The following ZNF132 variants were observed in gnomAD, a reference collection of about 807,000 sequenced individuals.
The protein encoded by ZNF132 is zinc finger protein 132, also known as zinc finger protein 132 (clone pHZ-12).
In ZNF132, 6 loss-of-function variants were observed where a neutral mutation model predicts 9.3. The ratio of observed to expected loss-of-function variants is 0.65; its 90% CI spans 0.35 to 1.28. The LOEUF (loss-of-function observed/expected upper bound fraction) is 1.28. Ranked by LOEUF, ZNF132 falls within the 50% of genes most tolerant of loss-of-function variation. The pLI is 0.03. For synonymous variants in ZNF132, 296 were observed against 292.0 expected, an observed-to-expected ratio of 1.01 and a Z score of -0.14; for missense variants, 877 against 843.2, an observed-to-expected ratio of 1.04 and a Z score of -0.50.
At chr19:58,437,268 G>T in intron 1 of ZNF132, 53 bp from the exon 2 acceptor site, 2 of 1,528,398 alleles carry the variant, frequency 1.3e-6, no homozygotes, top group East Asian at 4.5e-5. Flanking sequence ...ACCTTGCTGT[G>T]TGACTCAGAA....
At chr19:58,439,737 G>C in intron 1 of ZNF132, 22 bp downstream of exon 1, 1 of 1,513,696 alleles carries the variant, frequency 6.6e-7, no homozygotes, top group Non-Finnish European at 8.8e-7. Flanking sequence ...GCGGGTGAGG[G>C]CCTGGGGCAC....
chr19:58,433,529 T>TA lies in ZNF132; in HGVS notation c.1914dup (p.Asn639Ter), dbSNP rs2052754543. ...CTCTGATGACGAACCAGGTGGGAGTTACTGCTAAAGGCTCTCCCACATTCA... is the reference window on the plus strand; with the variant it reads ...CTCTGATGACGAACCAGGTGGGAGTTAACTGCTAAAGGCTCTCCCACATTCA... On this transcript the variant is annotated frameshift_variant, in exon 3 of 3. Coordinates refer to ENST00000254166, the MANE Select transcript of ZNF132 (RefSeq NM_003433.4). LOFTEE classifies it low-confidence loss of function (END_TRUNC). 6.2e-7 allele frequency: 1 copy of TA among 1,614,206 alleles called. No homozygotes were observed.
rs962929649 is a variant in ZNF132 at position 58,434,038 on chromosome 19, C to T, written c.1406G>A (p.Ser469Asn). Reference protein sequence around the residue: ...FECSECGRDFSQSSHLLRHQK... With the variant: ...FECSECGRDFNQSSHLLRHQK... ...ATGTCGAAGGAGATGGGAGCTTTGG[C>T]TGAAGTCTCTTCCACATTCACTGCA... is the stretch of plus-strand genomic sequence containing the variant. Residue 469 changes from serine to asparagine, a missense_variant, in exon 3 of 3, where the codon AGC (serine) becomes AAC (asparagine). By Grantham distance (46) the Ser-to-Asn change is conservative (BLOSUM62 1). Coordinates refer to ENST00000254166, the MANE Select transcript of ZNF132 (RefSeq NM_003433.4). 1.2e-6 allele frequency: 2 copies of T among 1,614,180 alleles called. No homozygotes were observed. The highest frequency in any genetic ancestry group is 3.3e-5 in the Admixed American group (2 of 60,008).
chr19:58,434,682 A>G lies in ZNF132; in HGVS notation c.762T>C (p.His254=). 1.9e-6 allele frequency: 3 copies of G among 1,614,150 alleles called. No homozygotes were observed. The highest frequency in any genetic ancestry group is 2.5e-6 in the Non-Finnish European group (3 of 1,180,018). The change falls in exon 3 of 3, where the codon CAT becomes CAC. Residue 254 remains histidine (H), a synonymous_variant. Coordinates refer to ENST00000254166, the MANE Select transcript of ZNF132 (RefSeq NM_003433.4). ...AFLKSSTLPN[H]LRTHSEEIPF... ...GTATCTCTTCAGAGTGAGTTCTCAG[A>G]TGGTTGGGGAGAGTGGAGCTCTTCA...
In ZNF132 at chr19:58,434,601, A is replaced by C. The variant is rs2052762082; in HGVS notation, c.843T>G (p.Asn281Lys). The change falls in exon 3 of 3, where the codon AAT becomes AAG. Residue 281 changes from asparagine (N) to lysine (K), a missense_variant. Asn to Lys is a moderately conservative substitution (Grantham distance 94). Coordinates refer to ENST00000254166, the MANE Select transcript of ZNF132 (RefSeq NM_003433.4). ...NFLEEKSILGNKKFHTGEIPH... is the reference protein window; with the variant it reads ...NFLEEKSILGKKKFHTGEIPH... Reference sequence around the variant, plus strand: ...GTATTTCCCCAGTGTGAAACTTTTTATTACCAAGGATTGATTTCTCCTCTA... The same window carrying C: ...GTATTTCCCCAGTGTGAAACTTTTTCTTACCAAGGATTGATTTCTCCTCTA... 1 of 1,614,030 alleles carries C rather than the reference A, an allele frequency of 6.2e-7. No homozygotes were observed. The highest frequency in any genetic ancestry group is 8.5e-7 in the Non-Finnish European group (1 of 1,180,046).
In ZNF132 at chr19:58,440,046, G is replaced by C; in HGVS notation, c.-225C>G. 3.7e-6 allele frequency: 2 copies of C among 545,612 alleles called. No individual in the cohort carries two copies. Among genetic ancestry groups the C allele is most frequent in the South Asian group, 4.8e-5 (2 of 41,304 alleles). 33.8% of individuals were successfully genotyped at this position (545,612 alleles called of 1,614,324 possible). ...GCAGAGTAATTAGCCGGGCACTATG[G>C]TGCGTGTGAAGGCGCGGTGACGGTC... is the stretch of plus-strand genomic sequence containing the variant. On this transcript the variant is annotated 5_prime_UTR_variant, in exon 1 of 3. Coordinates refer to ENST00000254166, the MANE Select transcript of ZNF132 (RefSeq NM_003433.4).
rs2052764091 is a variant in ZNF132 at position 58,434,848 on chromosome 19, T to C, written c.596A>G (p.Lys199Arg). 6.2e-7 allele frequency: 1 copy of C among 1,614,180 alleles called. No individual in the cohort carries two copies. The highest frequency in any genetic ancestry group is 8.5e-7 in the Non-Finnish European group (1 of 1,179,996). The change falls in exon 3 of 3, where the codon AAG becomes AGG. Residue 199 changes from lysine (K) to arginine (R), a missense_variant. Physicochemically the swap from Lys to Arg is conservative, Grantham distance 26. Coordinates refer to ENST00000254166, the MANE Select transcript of ZNF132 (RefSeq NM_003433.4). ...ENPFTCREGG[K>R]VILGSCDLLQ... ...GAGGTCACAGCTGCCCAGGATGACC[T>C]TCCCACCTTCCCTGCAAGTGAAGGG...
rs563299708 is a variant in ZNF132, at chr19:58,433,473, G to A, written c.1971C>T (p.Cys657=). 82 of 1,613,900 alleles carry A rather than the reference G, an allele frequency of 5.1e-5. 1 individual carries two copies. In the African/African-American group the frequency reaches 9.7e-4, roughly 19 times the overall value. Residue 657 remains cysteine (C), a synonymous_variant, in exon 3 of 3, where the codon TGC becomes TGT. Coordinates refer to ENST00000254166, the MANE Select transcript of ZNF132 (RefSeq NM_003433.4). Reference sequence around the variant, plus strand: ...CACTAAAGGCTTTTCCACACTGGATGCACTCATAGGGCCTTTCTTGTGTGT... The same window carrying A: ...CACTAAAGGCTTTTCCACACTGGATACACTCATAGGGCCTTTCTTGTGTGT... ...RVHTQERPYE[C]IQCGKAFSER...
Position 58,432,969 on chromosome 19 carries a change from T to G in ZNF132, c.*354A>C. The G allele has an allele frequency of 5.7e-6, 1 of 174,334 alleles. No homozygotes were observed. 10.8% of individuals were successfully genotyped at this position (174,334 alleles called of 1,614,324 possible). ...GAATGTGCATCTTCCTGAGCTCAAA[T>G]TAGATTTCCCTCAAGGCCCCTCAAC... On this transcript the variant is annotated 3_prime_UTR_variant, in exon 3 of 3. Transcript: ENST00000254166.
chr19:58,435,584 C>T (rs2052768821), intron 2 of ZNF132: 1 of 174,188 alleles, frequency 5.7e-6, no homozygotes, highest in Non-Finnish European at 1.2e-5. Flanking sequence ...CATCCACTAG[C>T]ATAGCTATAA....
At chr19:58,438,274 C>A (rs1042407290) in intron 1 of ZNF132, among the ~76,000 whole-genome samples, 1 of 152,182 alleles carries the variant, frequency 6.6e-6, no homozygotes, top group Non-Finnish European at 1.5e-5. Flanking sequence ...AGTGTCCACA[C>A]ACAAGCATCC....
Position 58,434,428 on chromosome 19 carries a change from C to A in ZNF132, c.1016G>T (p.Arg339Ile). The A allele has an allele frequency of 1.2e-6, 2 of 1,614,242 alleles. No individual in the cohort carries two copies. The highest frequency in any genetic ancestry group is 2.2e-5 in the South Asian group (2 of 91,090). Residue 339 changes from arginine (R) to isoleucine (I), a missense_variant, in exon 3 of 3, where the codon AGA becomes ATA. Transcript: ENST00000254166. ...NHKLTFVHHQ[R>I]IHSGERPYEC... ...ATAAGGTCTTTCTCCTGAGTGAATT[C>A]TCTGATGATGAACAAATGTGAGTTT...
intron 2 of ZNF132, chr19:58,436,792 C>G: frequency 1.7e-6 from 1 of 600,630 alleles, no homozygotes; most frequent in Admixed American, 2.2e-5. Context: ...ATCTGTTAGG[C>G]AGACTGGAGG....
In ZNF132 at chr19:58,434,554, CCA is replaced by C; in HGVS notation, c.888_889del (p.Cys296TrpfsTer5). ...CTTAGATGAGTGACTAAAGGCCTTC[CCA>C]CACTCCTTACACACATGGGGTATTT... On this transcript the variant is annotated frameshift_variant, in exon 3 of 3. Coordinates refer to ENST00000254166, the MANE Select transcript of ZNF132 (RefSeq NM_003433.4). LOFTEE classifies it low-confidence loss of function (END_TRUNC). The C allele has an allele frequency of 6.2e-7, 1 of 1,614,094 alleles. No homozygotes were observed. The highest frequency in any genetic ancestry group is 1.1e-5 in the South Asian group (1 of 91,084).
Position 58,433,693 on chromosome 19 carries a change from G to A in ZNF132, c.1751C>T (p.Ser584Phe), listed in dbSNP as rs748682660. Residue 584 changes from serine to phenylalanine, a missense_variant, in exon 3 of 3, where the codon TCC (serine) becomes TTC (phenylalanine). Transcript: ENST00000254166. ...AACTTTCTGATGCTTAATGAGAATG[G>A]AGTTTTGGCTAAAGAATTTCCCACA... ...NECGKFFSQN[S>F]ILIKHQKVHT... 18 of 1,610,068 alleles carry A rather than the reference G, an allele frequency of 1.1e-5. No individual in the cohort carries two copies. The Middle Eastern group carries it at 4.9e-4, about 44-fold the overall frequency.
In ZNF132 at chr19:58,437,567, CCTTT is replaced by C. The variant is rs564558438; in HGVS notation, c.64-356_64-353del. Reference sequence around the variant, plus strand: ...CCAAACATAAGAAAATTTGGGCTTCCCTTTCTTAAGCCTCTTGTACCAGGGCCAT... The same window carrying C: ...CCAAACATAAGAAAATTTGGGCTTCCCTTAAGCCTCTTGTACCAGGGCCAT... On this transcript the variant is annotated intron_variant, in intron 1 of 2. Transcript: ENST00000254166. Among the ~76,000 whole-genome samples the C allele has an allele frequency of 5.6e-4, 86 of 152,326 alleles. 2 individuals carry two copies. The East Asian group carries it at 0.016, about 29-fold the overall frequency.
Position 58,433,623 on chromosome 19 carries a change from G to T in ZNF132, c.1821C>A (p.Phe607Leu), listed in dbSNP as rs1407197628. 1 of 1,614,194 alleles carries T rather than the reference G, an allele frequency of 6.2e-7. No individual in the cohort carries two copies. The highest frequency in any genetic ancestry group is 8.5e-7 in the Non-Finnish European group (1 of 1,180,034). ...KPYKCSECGK[F>L]FSRKSSLICH... ...AAATAAGGCTGGATTTTCGGCTAAA[G>T]AATTTCCCACATTCACTGCATTTAT... is the stretch of plus-strand genomic sequence containing the variant. The change falls in exon 3 of 3, where the codon TTC becomes TTA. Residue 607 changes from phenylalanine (F) to leucine (L), a missense_variant. By Grantham distance (22) the Phe-to-Leu change is conservative. Transcript: ENST00000254166.
intron 2 of ZNF132, 153 bp from the exon 3 acceptor site, chr19:58,435,364 A>G (rs2052767744): frequency 3.6e-6 from 3 of 838,956 alleles, no homozygotes; most frequent in African/African-American, 3.4e-5. Context: ...AGAAGGGCCC[A>G]TTACTATTGG....
Position 58,434,866 on chromosome 19 carries a change from G to T in ZNF132, c.578C>A (p.Thr193Asn). ...SKVHLSENPF[T>N]CREGGKVILG... ...GATGACCTTCCCACCTTCCCTGCAAGTGAAGGGGTTCTCTGACAGGTGGAC... is the reference window on the plus strand; with the variant it reads ...GATGACCTTCCCACCTTCCCTGCAATTGAAGGGGTTCTCTGACAGGTGGAC... The change falls in exon 3 of 3, where the codon ACT becomes AAT. Residue 193 changes from threonine to asparagine, a missense_variant. Transcript: ENST00000254166. 6.2e-7 allele frequency: 1 copy of T among 1,614,216 alleles called. No individual in the cohort carries two copies. Among genetic ancestry groups the T allele is most frequent in the Non-Finnish European group, 8.5e-7 (1 of 1,180,040 alleles).
Sources: gnomAD v4.1 joint callset for allele counts (sites outside exome capture counted in the v4.1 genomes callset) on GRCh38, gnomAD v4.1.1 for gene constraint, MANE v1.5 for transcripts, NCBI Gene and HGNC (gene_info 2026-07-23, HGNC 2026-07-21) for gene names.